Variants in ZNF91 observed in about 807,000 individuals in gnomAD.
The protein encoded by ZNF91 is zinc finger protein 91 (HPF7, HTF10).
Under a neutral mutation model 12.6 loss-of-function variants are expected in ZNF91, and 7 were observed. The observed-to-expected ratio is 0.55, with a 90% CI of 0.31 to 1.04. ZNF91 has a LOEUF of 1.04. Ranked by LOEUF, ZNF91 falls within the 50% of genes least tolerant of loss-of-function variation. The pLI, the probability that ZNF91 is intolerant of heterozygous loss-of-function variation, is 0.05. For missense variants in ZNF91, 1,217 were observed against 1,385.4 expected (o/e 0.88, Z 1.93); for synonymous variants, 453 against 462.6 (o/e 0.98, Z 0.27).
chr19:23,386,466 A>T (rs1969877572), intron 1 of ZNF91, among the ~76,000 whole-genome samples: 1 of 152,256 alleles, frequency 6.6e-6, no homozygotes, highest in Admixed American at 6.5e-5. Flanking sequence ...ACAAACTCAT[A>T]GATGAATGTA....
chr19:23,348,401 C>T lies in ZNF91; in HGVS notation c.254-9347G>A, dbSNP rs539541480. 5.3e-5 allele frequency among the ~76,000 whole-genome samples: 8 copies of T among 152,300 alleles called. No homozygotes were observed. The East Asian group carries it at 5.8e-4, about 11-fold the overall frequency. ...AAATTAATACTTTTATAATTTCTTA[C>T]ACCTGTCTTTACTGCAATCTCTGAA... is the stretch of plus-strand genomic sequence containing the variant. On this transcript the variant is annotated intron_variant, in intron 3 of 3. Transcript: ENST00000599743.
chr19:23,369,173 G>GCCC (rs1316666632), intron 3 of ZNF91, among the ~76,000 whole-genome samples: 2 of 152,142 alleles, frequency 1.3e-5, no homozygotes, highest in African/African-American at 2.4e-5. Context: ...ACCCAGGTGT[G>GCCC]GTGACGTGTG....
chr19:23,360,537 A>G lies in ZNF91; in HGVS notation c.2442T>C (p.Thr814=), dbSNP rs2145053482. 1 of 1,613,950 alleles carries G rather than the reference A, an allele frequency of 6.2e-7. No homozygotes were observed. The highest frequency in any genetic ancestry group is 2.2e-5 in the East Asian group (1 of 44,802). ...CTCCAGTATGAATTGTCTTATGCTT[A>G]GTAAGGGTTGAGGAACGGCTAAAAG... ...GKAFSRSSTL[T]KHKTIHTGEK... is the part of the protein sequence containing the mutation. Residue 814 remains threonine, a synonymous_variant, in exon 4 of 4, where the codon ACT becomes ACC. Coordinates refer to ENST00000300619, the MANE Select transcript of ZNF91 (RefSeq NM_003430.4).
chr19:23,383,163 T>C (rs558469800), intron 1 of ZNF91, among the ~76,000 whole-genome samples: 1 of 152,306 alleles, frequency 6.6e-6, no homozygotes, highest in African/African-American at 2.4e-5. Context: ...GAATTTATTT[T>C]GGGAATGCAA....
chr19:23,370,672 T>C (rs1463144683), intron 3 of ZNF91, among the ~76,000 whole-genome samples: 1 of 152,110 alleles, frequency 6.6e-6, no homozygotes, highest in Non-Finnish European at 1.5e-5. Flanking sequence ...GGATATTTCT[T>C]ACATAAAAAT....
chr19:23,322,792 TCCTCCTCCATTTCTCCCCCAC>T, intron 1 of ZNF91, among the ~76,000 whole-genome samples: 1 of 85,306 alleles, frequency 1.2e-5, no homozygotes, highest in Admixed American at 1.1e-4. Context: ...CTTCCTCACC[TCCTCCTCCATTTCTCCCCCAC>T]CTCCTCCTCC....
chr19:23,351,388 A>G (rs11667068), intron 3 of ZNF91, among the ~76,000 whole-genome samples: 28,575 of 152,036 alleles, frequency 0.19, 2,916 homozygotes, highest in Non-Finnish European at 0.21. Flanking sequence ...TTCAGGGTAT[A>G]AATTCAAGTG....
At chr19:23,319,037 C>T (rs1287310909) in intron 1 of ZNF91, among the ~76,000 whole-genome samples, 3 of 152,142 alleles carry the variant, frequency 2.0e-5, no homozygotes, top group Admixed American at 6.5e-5. Context: ...TAAGCCCTAC[C>T]TACAGGGAGC....
chr19:23,333,029 G>A (rs1967951848), intron 1 of ZNF91, among the ~76,000 whole-genome samples: 1 of 152,196 alleles, frequency 6.6e-6, no homozygotes, highest in Non-Finnish European at 1.5e-5. Flanking sequence ...GTGAAAAAGG[G>A]TGGGCATGGA....
Position 23,368,562 on chromosome 19 carries a change from C to CTA in ZNF91, c.253+5178_253+5179dup, listed in dbSNP as rs71163494. ...TCTCTCTCTCTCTCTCTCTCTCTCTCTATATATATATGAAACACATGACAT... is the reference window on the plus strand; with the variant it reads ...TCTCTCTCTCTCTCTCTCTCTCTCTCTATATATATATATGAAACACATGACAT... On this transcript the variant is annotated intron_variant, in intron 3 of 3. Transcript: ENST00000300619. 3.4e-3 allele frequency among the ~76,000 whole-genome samples: 401 copies of CTA among 118,586 alleles called. 11 individuals carry two copies. Among genetic ancestry groups the CTA allele is most frequent in the South Asian group, 5.8e-3 (18 of 3,088 alleles). 77.8% of individuals were successfully genotyped at this position (118,586 alleles called of 152,430 possible).
At chr19:23,363,338 T>G (rs908722873) in intron 3 of ZNF91, among the ~76,000 whole-genome samples, 4 of 152,160 alleles carry the variant, frequency 2.6e-5, no homozygotes, top group Admixed American at 6.5e-5. Context: ...GTGGCATAAT[T>G]TGGAATGAAA....
chr19:23,390,640 G>A (rs1970033757), intron 1 of ZNF91, among the ~76,000 whole-genome samples: 1 of 152,354 alleles, frequency 6.6e-6, no homozygotes, highest in South Asian at 2.1e-4. Flanking sequence ...TTACAGGCAT[G>A]AGCCATCGTG....
chr19:23,363,522 T>C (rs1170958577), intron 3 of ZNF91, among the ~76,000 whole-genome samples: 1 of 152,202 alleles, frequency 6.6e-6, no homozygotes, highest in Non-Finnish European at 1.5e-5. Context: ...TAAGAACATA[T>C]TTGAGAAATT....
intron 3 of ZNF91, chr19:23,339,394 T>C (rs1461143750): frequency 1.3e-5 from 2 of 152,118 alleles, no homozygotes; most frequent in African/African-American, 4.8e-5. Context: ...ATTAAATCTA[T>C]AGAACGAGAT....
intron 1 of ZNF91, among the ~76,000 whole-genome samples, chr19:23,379,993 A>C (rs1043297512): frequency 6.6e-6 from 1 of 152,102 alleles, no homozygotes; most frequent in African/African-American, 2.4e-5. Flanking sequence ...GCGGTGGCTC[A>C]TGCCTGTAAT....
At chr19:23,394,399 G>C (rs1225043126) in intron 1 of ZNF91, among the ~76,000 whole-genome samples, 2 of 152,108 alleles carry the variant, frequency 1.3e-5, no homozygotes, top group Admixed American at 6.6e-5. Context: ...ATTAAGCTCT[G>C]ATTACATAAG....
At chr19:23,377,283 A>C (rs1969537006) in intron 1 of ZNF91, among the ~76,000 whole-genome samples, 1 of 152,232 alleles carries the variant, frequency 6.6e-6, no homozygotes, top group Non-Finnish European at 1.5e-5. Flanking sequence ...CCTTAGAGTC[A>C]CAGGAGACAC....
At chr19:23,343,920 G>A (rs1968170125) in intron 3 of ZNF91, among the ~76,000 whole-genome samples, 2 of 152,098 alleles carry the variant, frequency 1.3e-5, no homozygotes, top group Non-Finnish European at 2.9e-5. Flanking sequence ...AAAGTCTCTC[G>A]AAAATACCTG....
At chr19:23,317,007 C>T (rs747842101) in intron 1 of ZNF91, among the ~76,000 whole-genome samples, 3 of 152,048 alleles carry the variant, frequency 2.0e-5, no homozygotes, top group Non-Finnish European at 2.9e-5. Context: ...GAATTGTTTC[C>T]GTCATATGCT....
Sources: gnomAD v4.1 joint callset for allele counts (sites outside exome capture counted in the v4.1 genomes callset) on GRCh38, gnomAD v4.1.1 for gene constraint, MANE v1.5 for transcripts, NCBI Gene and HGNC (gene_info 2026-07-23, HGNC 2026-07-21) for gene names.